MMP17: variants seen among roughly 807,000 people sequenced by gnomAD.
MMP17 encodes matrix metalloproteinase-17.
A neutral mutation model predicts 49.1 loss-of-function variants in MMP17; 54 were observed. The ratio of observed to expected loss-of-function variants is 1.10; its 90% CI spans 0.88 to 1.38. The LOEUF is 1.38. MMP17 is among the 40% of genes most tolerant of loss of function. MMP17 has a pLI of 0.00. For missense variants in MMP17, 837 were observed against 853.7 expected (o/e 0.98, Z 0.24); for synonymous variants, 397 against 383.1 (o/e 1.04, Z -0.42).
rs1369582949 is a variant in MMP17 at position 131,828,485 on chromosome 12, T to C, written c.-10T>C. 4.0e-6 allele frequency: 4 copies of C among 990,650 alleles called. No homozygotes were observed. The highest frequency in any genetic ancestry group is 1.8e-5 in the African/African-American group (1 of 56,750). 61.4% of individuals were successfully genotyped at this position (990,650 alleles called of 1,614,324 possible). A position where few individuals can be genotyped will look rare whatever the true frequency, so the allele number is the denominator to read the frequency against. On this transcript the variant is annotated 5_prime_UTR_variant, in exon 1 of 10. An upstream start codon of the reference 5' UTR is lost. Coordinates refer to ENST00000360564, the MANE Select transcript of MMP17 (RefSeq NM_016155.7). ...ACCCTGCACGCCGCCCGCGGGCCCA[T>C]GTGAGCGCCATGCGGCGCCGCGCAG...
Position 131,850,022 on chromosome 12 carries a change from C to A in MMP17, c.1425C>A (p.Val475=), listed in dbSNP as rs771335418. The change falls in exon 9 of 10, where the codon GTC becomes GTA. Residue 475 remains valine (V), a synonymous_variant. Transcript: ENST00000360564. ...YPAQSPLWRG[V]PSTLDDAMRW... ...CCCAGAGCCCCCTGTGGAGGGGTGT[C>A]CCCAGCACGCTGGACGACGCCATGC... The A allele has an allele frequency of 2.8e-5, 45 of 1,613,082 alleles. No individual in the cohort carries two copies. The highest frequency in any genetic ancestry group is 3.2e-5 in the Non-Finnish European group (38 of 1,179,812).
At chr12:131,845,092 C>CA (rs747559762) in intron 6 of MMP17, 26 bp from the exon 7 acceptor site, 1 of 1,613,184 alleles carries the variant, frequency 6.2e-7, no homozygotes, top group African/African-American at 1.3e-5. Context: ...CCCCGCCTCC[C>CA]AGCCCACCTG....
intron 1 of MMP17, among the ~76,000 whole-genome samples, chr12:131,829,286 G>A (rs1183953197): frequency 6.6e-6 from 1 of 152,174 alleles, no homozygotes; most frequent in East Asian, 1.9e-4. Context: ...CCGGGGGCGC[G>A]GGGAGAGCCT....
At chr12:131,833,741 G>C (rs1192943502) in intron 1 of MMP17, among the ~76,000 whole-genome samples, 1 of 152,220 alleles carries the variant, frequency 6.6e-6, no homozygotes, top group East Asian at 1.9e-4. Context: ...ATGAGTATGG[G>C]GGTCGGGCCC....
chr12:131,847,166 A>T (rs1415331053), intron 8 of MMP17, among the ~76,000 whole-genome samples: 1 of 151,850 alleles, frequency 6.6e-6, no homozygotes, highest in East Asian at 1.9e-4. Context: ...CAATCCCAGC[A>T]TTTTGGGAGG....
chr12:131,849,588 T>A (rs1271706062), intron 8 of MMP17, among the ~76,000 whole-genome samples: 6 of 152,218 alleles, frequency 3.9e-5, no homozygotes, highest in African/African-American at 1.2e-4. Context: ...GTCCACAGGC[T>A]GGATGGGATG....
intron 1 of MMP17, among the ~76,000 whole-genome samples, chr12:131,834,936 C>G (rs1887004377): frequency 6.6e-6 from 1 of 152,196 alleles, no homozygotes; most frequent in Admixed American, 6.5e-5. Context: ...GAGCACAGGA[C>G]AGGTCAGGGC....
chr12:131,836,390 AC>A (rs1293643476), intron 1 of MMP17, among the ~76,000 whole-genome samples: 1 of 150,932 alleles, frequency 6.6e-6, no homozygotes, highest in African/African-American at 2.4e-5. Context: ...GGCCAGGACC[AC>A]CCCATCACCA....
At position 131,834,525 on chromosome 12, in the gene MMP17, G is replaced by A. The variant is rs541988698; in HGVS notation, c.160-3670G>A. Among the ~76,000 whole-genome samples, 638 of 152,220 alleles carry A rather than the reference G, an allele frequency of 4.2e-3. 8 individuals are homozygous for A. Among genetic ancestry groups the A allele is most frequent in the African/African-American group, 0.014 (602 of 41,536 alleles). The stretch of plus-strand genomic sequence containing the variant: ...GCTCTGTAGGTACTGGGGGCAGGGG[G>A]CAGGGAGGGGGACACCTGGAGCGGG... On this transcript the variant is annotated intron_variant, in intron 1 of 9. Transcript: ENST00000360564.
intron 9 of MMP17, among the ~76,000 whole-genome samples, chr12:131,850,359 C>T (rs1887912264): frequency 6.6e-6 from 1 of 152,202 alleles, no homozygotes; most frequent in Admixed American, 6.5e-5. Context: ...CTCGTCTGGG[C>T]ACACTTTCCT....
chr12:131,849,718 GAC>G, intron 8 of MMP17, 82 bp from the exon 9 acceptor site: 2 of 1,501,804 alleles, frequency 1.3e-6, no homozygotes, highest in South Asian at 1.3e-5. Context: ...AAGGGCGGCT[GAC>G]ACAGGAGAAG....
rs1016913709 is a variant in MMP17 at position 131,841,728 on chromosome 12, C to A, written c.811C>A (p.Gln271Lys). 1 of 1,613,672 alleles carries A rather than the reference C, an allele frequency of 6.2e-7. No homozygotes were observed. Among genetic ancestry groups the A allele is most frequent in the Admixed American group, 1.7e-5 (1 of 60,016 alleles). ...ACACTCCATCATGCGGCCGTACTAC[C>A]AGGGCCCGGTGGGTGACCCGCTGCG... ...AAHSIMRPYY[Q>K]GPVGDPLRYG... The change falls in exon 5 of 10, where the codon CAG (glutamine) becomes AAG (lysine). Residue 271 changes from glutamine (Q) to lysine (K), a missense_variant. Coordinates refer to ENST00000360564, the MANE Select transcript of MMP17 (RefSeq NM_016155.7).
intron 1 of MMP17, among the ~76,000 whole-genome samples, chr12:131,833,758 A>T (rs543834072): frequency 6.6e-6 from 1 of 152,142 alleles, no homozygotes; most frequent in East Asian, 1.9e-4. Flanking sequence ...GCCCTCATTC[A>T]TCTGCAGGGG....
In MMP17 at chr12:131,849,954, C is replaced by T. The variant is rs374439053; in HGVS notation, c.1357C>T (p.Arg453Cys). The part of the protein sequence containing the change: ...TYFFKDQLYW[R>C]YDDHTRHMDP... ...TTTCTTTAAGGACCAGCTGTACTGG[C>T]GCTACGATGACCACACGAGGCACAT... Residue 453 changes from arginine (R) to cysteine (C), a missense_variant, in exon 9 of 10, where the codon CGC becomes TGC. By Grantham distance (180) the Arg-to-Cys change is radical (BLOSUM62 -3). Coordinates refer to ENST00000360564, the MANE Select transcript of MMP17 (RefSeq NM_016155.7). The T allele has an allele frequency of 2.7e-5, 43 of 1,613,892 alleles. No homozygotes were observed. In the East Asian group the frequency reaches 3.3e-4, roughly 13 times the overall value.
In MMP17 at chr12:131,851,179, G is replaced by A. The variant is rs993060458; in HGVS notation, c.1717G>A (p.Ala573Thr). ...CTCTGGGGCATCCTCTCCCCCGGGG[G>A]CCCCAGGCCCACTGGTGGCTGCCAC... is the stretch of plus-strand genomic sequence containing the variant. ...CTSGASSPPG[A>T]PGPLVAATML... Residue 573 changes from alanine to threonine, a missense_variant, in exon 10 of 10, where the codon GCC (alanine) becomes ACC (threonine). Physicochemically the swap from Ala to Thr is moderately conservative, Grantham distance 58 (BLOSUM62 0). Transcript: ENST00000360564. 3.4e-6 allele frequency: 5 copies of A among 1,472,080 alleles called. No homozygotes were observed. The African/African-American group carries it at 4.3e-5, about 13-fold the overall frequency. 91.2% of individuals were successfully genotyped at this position (1,472,080 alleles called of 1,614,324 possible). A position where few individuals can be genotyped will look rare whatever the true frequency, so the allele number is the denominator to read the frequency against.
chr12:131,828,559 CGCTGCCGCT>C lies in MMP17; in HGVS notation c.71_79del (p.Pro24_Leu26del), dbSNP rs1644594318. ...CCAGGGCCCGGACTCTCGCGGCTGC[CGCTGCCGCT>C]GCTGCTGCTGCTGGCGCTGGGGACC... On this transcript the variant is annotated inframe_deletion, in exon 1 of 10. Coordinates refer to ENST00000360564, the MANE Select transcript of MMP17 (RefSeq NM_016155.7). 11 of 951,058 alleles carry C rather than the reference CGCTGCCGCT, an allele frequency of 1.2e-5. No homozygotes were observed. The highest frequency in any genetic ancestry group is 7.5e-6 in the Non-Finnish European group (6 of 801,480). The allele number at this position is 951,058 out of a possible 1,614,324, so 58.9% of individuals were successfully genotyped here.
chr12:131,828,632 C>T lies in MMP17; in HGVS notation c.138C>T (p.Ala46=), dbSNP rs1886633983. ...GCAAPAPAPR[A]EDLSLGVEWL... is the part of the protein sequence containing the mutation. ...CCGCGCCCGCACCCGCGCCGCGCGCCGAGGACCTCAGCCTGGGAGTGGTGA... is the reference window on the plus strand; with the variant it reads ...CCGCGCCCGCACCCGCGCCGCGCGCTGAGGACCTCAGCCTGGGAGTGGTGA... Residue 46 remains alanine (A), a synonymous_variant, in exon 1 of 10, where the codon GCC becomes GCT. Coordinates refer to ENST00000360564, the MANE Select transcript of MMP17 (RefSeq NM_016155.7). 1.4e-6 allele frequency: 1 copy of T among 722,884 alleles called. No homozygotes were observed. The highest frequency in any genetic ancestry group is 6.2e-5 in the South Asian group (1 of 16,068). The allele number at this position is 722,884 out of a possible 1,614,324, so 44.8% of individuals were successfully genotyped here. A position where few individuals can be genotyped will look rare whatever the true frequency, so the allele number is the denominator to read the frequency against.
chr12:131,838,119 G>C lies in MMP17; in HGVS notation c.160-76G>C, dbSNP rs1339819530. ...GGAGGGGGCCTGCCCGGAAGCAGTGGTGGCCCGTGGCAGGCTTCTCACTGG... is the reference window on the plus strand; with the variant it reads ...GGAGGGGGCCTGCCCGGAAGCAGTGCTGGCCCGTGGCAGGCTTCTCACTGG... On this transcript the variant is annotated intron_variant, in intron 1 of 9. Coordinates refer to ENST00000360564, the MANE Select transcript of MMP17 (RefSeq NM_016155.7). The C allele has an allele frequency of 5.3e-6, 8 of 1,499,690 alleles. No individual in the cohort carries two copies. In the African/African-American group the frequency reaches 8.4e-5, roughly 16 times the overall value. The allele number at this position is 1,499,690 out of a possible 1,614,324, so 92.9% of individuals were successfully genotyped here. A position where few individuals can be genotyped will look rare whatever the true frequency, so the allele number is the denominator to read the frequency against.
At position 131,832,735 on chromosome 12, in the gene MMP17, C is replaced by G. The variant is rs1173821094; in HGVS notation, c.159+4082C>G. Among the ~76,000 whole-genome samples the G allele has an allele frequency of 2.6e-5, 4 of 152,036 alleles. No homozygotes were observed. The South Asian group carries it at 8.3e-4, about 31-fold the overall frequency. ...GTGGAGCCTGGCTTCCCCTGTGGAC[C>G]CTGCAGTAATAAGCAAGTCCCCTCC... is the stretch of plus-strand genomic sequence containing the variant. On this transcript the variant is annotated intron_variant, in intron 1 of 9. Transcript: ENST00000360564.
Sources: allele counts gnomAD v4.1 joint callset (sites outside exome capture counted in the v4.1 genomes callset), GRCh38; gene constraint gnomAD v4.1.1; transcripts MANE v1.5; gene names NCBI Gene and HGNC (gene_info 2026-07-23, HGNC 2026-07-21).